The following AGT variants were observed in gnomAD, a reference collection of about 807,000 sequenced individuals.
AGT encodes alpha-1 antiproteinase, antitrypsin.
A neutral mutation model predicts 28.1 loss-of-function variants in AGT; 26 were observed. That is an observed-to-expected ratio of 0.92 (90% CI 0.68 to 1.28). The LOEUF (loss-of-function observed/expected upper bound fraction) is 1.28, where lower values mean the gene tolerates loss of function less well. Ranked by LOEUF, AGT falls within the 50% of genes most tolerant of loss-of-function variation. The pLI is 0.00. For synonymous variants in AGT, 259 were observed against 259.6 expected (o/e 1.00, Z 0.02); for missense variants, 596 against 592.3 (o/e 1.01, Z -0.06).
chr1:230,712,956 C>G (rs2004776), intron 1 of AGT, among the ~76,000 whole-genome samples: 2 of 151,892 alleles, frequency 1.3e-5, no homozygotes, highest in African/African-American at 2.4e-5. Context: ...GTGAAGATGA[C>G]GGCTCATGCT....
At chr1:230,738,021 A>G (rs1664185194) in intron 1 of AGT, among the ~76,000 whole-genome samples, 1 of 152,150 alleles carries the variant, frequency 6.6e-6, no homozygotes, top group Non-Finnish European at 1.5e-5. Flanking sequence ...AAGGTGTAGC[A>G]TTAGTACTTC....
rs1196258271 is a variant in AGT at position 230,735,090 on chromosome 1, G to A, written c.-31+10425C>T. On this transcript the variant is annotated intron_variant, in intron 1 of 4. Coordinates refer to the AGT transcript ENST00000681269. ...GGAGAGGGTCGCTCATCGCCTCCCC[G>A]TTGCTCATGGAGGACTGCGCTTGGT... Among the ~76,000 whole-genome samples, 7 of 152,066 alleles carry A rather than the reference G, an allele frequency of 4.6e-5. No homozygotes were observed. In the South Asian group the frequency reaches 6.2e-4, roughly 14 times the overall value.
intron 2 of AGT, among the ~76,000 whole-genome samples, chr1:230,707,319 TAGG>T (rs1286078860): frequency 6.6e-6 from 1 of 152,166 alleles, no homozygotes; most frequent in East Asian, 1.9e-4. Context: ...CGGTTGTTCT[TAGG>T]AGAATAGGGT....
upstream of AGT, among the ~76,000 whole-genome samples, chr1:230,719,383 T>TTA (rs1159358719): frequency 1.1e-4 from 16 of 147,772 alleles, no homozygotes; most frequent in African/African-American, 3.8e-4. Flanking sequence ...CTTTCTATTT[T>TTA]TTATTATTAT....
chr1:230,740,464 C>T (rs1334192120), intron 1 of AGT, among the ~76,000 whole-genome samples: 1 of 152,112 alleles, frequency 6.6e-6, no homozygotes, highest in Non-Finnish European at 1.5e-5. Context: ...GGCTCAAACA[C>T]CTCTGACAAA....
chr1:230,744,665 T>C (rs1002245010), intron 1 of AGT, among the ~76,000 whole-genome samples: 5 of 152,168 alleles, frequency 3.3e-5, no homozygotes, highest in Non-Finnish European at 5.9e-5. Flanking sequence ...CTAGCAACTA[T>C]ACTAAGACTC....
chr1:230,706,671 C>G (rs899960004), intron 2 of AGT, among the ~76,000 whole-genome samples: 10 of 152,178 alleles, frequency 6.6e-5, no homozygotes, highest in Admixed American at 2.0e-4. Flanking sequence ...ACTCTTGTCC[C>G]CCACTACACA....
chr1:230,727,495 G>C (rs954692034), intron 1 of AGT, among the ~76,000 whole-genome samples: 2 of 152,220 alleles, frequency 1.3e-5, no homozygotes, highest in African/African-American at 4.8e-5. Flanking sequence ...TTAGAAAATT[G>C]AGAGGGAATA....
At chr1:230,707,047 T>A (rs1174014147) in intron 2 of AGT, among the ~76,000 whole-genome samples, 1 of 152,166 alleles carries the variant, frequency 6.6e-6, no homozygotes, top group East Asian at 1.9e-4. Flanking sequence ...CTGGGGAGAC[T>A]CACACAACCT....
chr1:230,743,089 CA>C (rs988617230), intron 1 of AGT, among the ~76,000 whole-genome samples: 19 of 152,148 alleles, frequency 1.2e-4, no homozygotes, highest in African/African-American at 4.6e-4. Flanking sequence ...CTCCCGGGTT[CA>C]AGCAATTCTC....
At chr1:230,735,010 G>A (rs758290220) in intron 1 of AGT, among the ~76,000 whole-genome samples, 14 of 152,054 alleles carry the variant, frequency 9.2e-5, no homozygotes, top group South Asian at 2.1e-4. Flanking sequence ...CATCGCGCCC[G>A]GCCATAACTG....
chr1:230,721,192 AG>A (rs150213667), intron 1 of AGT, among the ~76,000 whole-genome samples: 2,070 of 152,326 alleles, frequency 0.014, 55 homozygotes, highest in African/African-American at 0.046. Context: ...CTTTTGGGAG[AG>A]CTTTCTCTGT....
At chr1:230,717,081 T>C (rs111370252), upstream of AGT, among the ~76,000 whole-genome samples, 2 of 145,772 alleles carry the variant, frequency 1.4e-5, no homozygotes, top group Non-Finnish European at 3.0e-5. Context: ...TAAACCTTGA[T>C]TTTATACAAC....
chr1:230,713,341 G>A lies in AGT; in HGVS notation c.-31+745C>T, dbSNP rs1375870153. On this transcript the variant is annotated intron_variant, in intron 1 of 4. Coordinates refer to ENST00000366667, the MANE Select transcript of AGT (RefSeq NM_001384479.1). ...ATGCTGTTTTGCAGAGGAACAGAGA[G>A]GTCCAGTGACTTGTTCAACGTCACA... is the stretch of plus-strand genomic sequence containing the variant. 2.6e-5 allele frequency among the ~76,000 whole-genome samples: 4 copies of A among 152,156 alleles called. No individual in the cohort carries two copies. The East Asian group carries it at 7.7e-4, about 29-fold the overall frequency.
At chr1:230,710,953 T>G (rs61762542) in intron 1 of AGT, 100 bp from the exon 2 acceptor site, 16 of 1,441,032 alleles carry the variant, frequency 1.1e-5, no homozygotes, top group Non-Finnish European at 1.5e-5. Context: ...CTGTCACCAT[T>G]TAGCCCAGAA....
chr1:230,712,130 G>A (rs56373133), intron 1 of AGT, among the ~76,000 whole-genome samples: 1 of 152,112 alleles, frequency 6.6e-6, no homozygotes, highest in Admixed American at 6.5e-5. Context: ...CTGCAATATC[G>A]TCACTTCTTG....
upstream of AGT, among the ~76,000 whole-genome samples, chr1:230,715,959 A>G (rs1294523416): frequency 6.6e-6 from 1 of 152,220 alleles, no homozygotes; most frequent in Non-Finnish European, 1.5e-5. Context: ...AAAGTGGTGT[A>G]AAAGAAAATA....
At chr1:230,742,436 C>T (rs1664263881) in intron 1 of AGT, among the ~76,000 whole-genome samples, 1 of 152,220 alleles carries the variant, frequency 6.6e-6, no homozygotes, top group Non-Finnish European at 1.5e-5. Context: ...CTACCTCTGC[C>T]TCCCAAGTAG....
chr1:230,727,627 G>T (rs138226608), intron 1 of AGT, among the ~76,000 whole-genome samples: 1 of 152,306 alleles, frequency 6.6e-6, no homozygotes, highest in Non-Finnish European at 1.5e-5. Context: ...TAACTAAGGA[G>T]GACATATAAA....
Sources: allele counts gnomAD v4.1 joint callset (sites outside exome capture counted in the v4.1 genomes callset), GRCh38; gene constraint gnomAD v4.1.1; transcripts MANE v1.5; gene names NCBI Gene and HGNC (gene_info 2026-07-23, HGNC 2026-07-21).